Variants in LHFPL6 observed in about 807,000 individuals in gnomAD.
LHFPL6 encodes the protein LHFPL tetraspan subfamily member 6.
LHFPL6 carries 9 observed loss-of-function variants against 20.6 expected under a neutral mutation model. The observed-to-expected ratio is 0.44, with a 90% CI of 0.26 to 0.76. The LOEUF (loss-of-function observed/expected upper bound fraction) is 0.76, where lower values mean the gene tolerates loss of function less well. LHFPL6 is among the 30% of genes least tolerant of loss of function. LHFPL6 has a pLI of 0.20. For missense variants in LHFPL6, 218 were observed against 253.5 expected (o/e 0.86, Z 0.95); for synonymous variants, 105 against 98.7 (o/e 1.06, Z -0.38).
intron 2 of LHFPL6, among the ~76,000 whole-genome samples, chr13:39,459,036 TTTTAA>T (rs1490322558): frequency 2.6e-5 from 4 of 152,170 alleles, no homozygotes; most frequent in African/African-American, 9.7e-5. Context: ...TTCCAAGGAC[TTTTAA>T]TTTATACATT....
At chr13:39,517,583 T>C (rs144694108) in intron 2 of LHFPL6, among the ~76,000 whole-genome samples, 1 of 152,194 alleles carries the variant, frequency 6.6e-6, no homozygotes, top group Non-Finnish European at 1.5e-5. Flanking sequence ...TTTCCTCAAC[T>C]CCTTGAAAAA....
chr13:39,353,484 T>C (rs1235818486), intron 3 of LHFPL6, among the ~76,000 whole-genome samples: 4 of 151,578 alleles, frequency 2.6e-5, no homozygotes, highest in Non-Finnish European at 5.9e-5. Context: ...CCCAGCACTT[T>C]GGGAGGCTGA....
At chr13:39,488,007 C>T (rs7321906) in intron 2 of LHFPL6, among the ~76,000 whole-genome samples, 47,149 of 152,058 alleles carry the variant, frequency 0.31, 7,792 homozygotes, top group Middle Eastern at 0.43. Flanking sequence ...TTGATGTCCC[C>T]CCAAAATTTA....
chr13:39,424,642 G>A (rs934493929), intron 2 of LHFPL6, among the ~76,000 whole-genome samples: 6 of 152,048 alleles, frequency 3.9e-5, no homozygotes, highest in African/African-American at 7.2e-5. Flanking sequence ...TTAATATTAC[G>A]GGGATTGTTA....
In LHFPL6 at chr13:39,579,921, C is replaced by T. The variant is rs112782965; in HGVS notation, c.385+20911G>A. On this transcript the variant is annotated intron_variant, in intron 2 of 3. Coordinates refer to ENST00000379589, the MANE Select transcript of LHFPL6 (RefSeq NM_005780.3). ...TCCTCAGGGTCACAGCCCTGTAGTA[C>T]ATTTACTTCTTTGTTCCCATAGTAC... 1.9e-3 allele frequency among the ~76,000 whole-genome samples: 289 copies of T among 152,310 alleles called. 4 individuals are homozygous for T. Among genetic ancestry groups the T allele is most frequent in the Middle Eastern group, 6.8e-3 (2 of 294 alleles).
intron 2 of LHFPL6, among the ~76,000 whole-genome samples, chr13:39,446,729 C>T (rs1194147799): frequency 6.6e-6 from 1 of 152,130 alleles, no homozygotes; most frequent in African/African-American, 2.4e-5. Flanking sequence ...CCGGTATTTT[C>T]ATTTAGGTCC....
chr13:39,589,168 G>C (rs780516673), intron 2 of LHFPL6, among the ~76,000 whole-genome samples: 1 of 151,932 alleles, frequency 6.6e-6, no homozygotes, highest in Non-Finnish European at 1.5e-5. Context: ...GTGCAGTGGC[G>C]CCACCTCGGT....
At chr13:39,387,017 A>T (rs1050027019) in intron 2 of LHFPL6, among the ~76,000 whole-genome samples, 1 of 152,078 alleles carries the variant, frequency 6.6e-6, no homozygotes, top group Non-Finnish European at 1.5e-5. Flanking sequence ...CTCTCCTGTG[A>T]GCTGCTATTT....
chr13:39,565,547 A>G (rs1207863387), intron 2 of LHFPL6, among the ~76,000 whole-genome samples: 1 of 152,258 alleles, frequency 6.6e-6, no homozygotes, highest in Non-Finnish European at 1.5e-5. Context: ...ACAGTGGAGA[A>G]GGGAATTGTA....
At chr13:39,346,157 A>C (rs543740411) in intron 3 of LHFPL6, among the ~76,000 whole-genome samples, 2 of 152,312 alleles carry the variant, frequency 1.3e-5, no homozygotes, top group South Asian at 4.1e-4. Flanking sequence ...CATGTGCCCC[A>C]GGCGCAGATA....
chr13:39,582,594 C>A (rs531872375), intron 2 of LHFPL6, among the ~76,000 whole-genome samples: 4 of 152,286 alleles, frequency 2.6e-5, no homozygotes, highest in South Asian at 4.1e-4. Flanking sequence ...CCTTGCCTGG[C>A]CCTTTTGTGG....
chr13:39,464,754 GGTT>G (rs1433737129), intron 2 of LHFPL6, among the ~76,000 whole-genome samples: 2 of 128,416 alleles, frequency 1.6e-5, no homozygotes, highest in African/African-American at 5.7e-5. Context: ...TTGAATATTT[GGTT>G]ACTATAGAAA....
chr13:39,369,896 T>C (rs1239747085), intron 3 of LHFPL6, among the ~76,000 whole-genome samples: 1 of 152,112 alleles, frequency 6.6e-6, no homozygotes, highest in East Asian at 1.9e-4. Context: ...ACAGATCAAA[T>C]TGAATCTATG....
intron 2 of LHFPL6, among the ~76,000 whole-genome samples, chr13:39,542,640 C>T (rs563080692): frequency 6.6e-6 from 1 of 152,198 alleles, no homozygotes; most frequent in Non-Finnish European, 1.5e-5. Context: ...ATCTTTTTGC[C>T]ATTGTGGGAA....
At chr13:39,555,686 C>T (rs1413918408) in intron 2 of LHFPL6, among the ~76,000 whole-genome samples, 7 of 152,042 alleles carry the variant, frequency 4.6e-5, no homozygotes, top group Non-Finnish European at 1.0e-4. Flanking sequence ...GCATATAACA[C>T]GTTTATAAAG....
At chr13:39,435,563 A>G (rs1257918021) in intron 2 of LHFPL6, among the ~76,000 whole-genome samples, 1 of 152,224 alleles carries the variant, frequency 6.6e-6, no homozygotes, top group African/African-American at 2.4e-5. Flanking sequence ...ACTAATGTAC[A>G]ATGTTACAGA....
chr13:39,441,001 G>A (rs1444415892), intron 2 of LHFPL6, among the ~76,000 whole-genome samples: 9 of 152,006 alleles, frequency 5.9e-5, no homozygotes, highest in East Asian at 1.9e-4. Context: ...CCAGCCATGC[G>A]AAACTGTAAG....
At chr13:39,367,220 A>G (rs978489682) in intron 3 of LHFPL6, among the ~76,000 whole-genome samples, 4 of 152,198 alleles carry the variant, frequency 2.6e-5, no homozygotes, top group African/African-American at 9.6e-5. Flanking sequence ...GAGTGAGGCA[A>G]AACAGAGAGG....
intron 2 of LHFPL6, among the ~76,000 whole-genome samples, chr13:39,453,527 T>C (rs145637335): frequency 1.3e-5 from 2 of 152,316 alleles, no homozygotes; most frequent in African/African-American, 2.4e-5. Context: ...AAAACTTATA[T>C]TGATTATCTC....
Sources: allele counts gnomAD v4.1 joint callset (sites outside exome capture counted in the v4.1 genomes callset), GRCh38; gene constraint gnomAD v4.1.1; transcripts MANE v1.5; gene names NCBI Gene and HGNC (gene_info 2026-07-23, HGNC 2026-07-21).